HSPA14: variants seen among roughly 807,000 people sequenced by gnomAD.
HSPA14 encodes heat shock 70 kDa protein 14.
A neutral mutation model predicts 65.5 loss-of-function variants in HSPA14; 37 were observed. The ratio of observed to expected loss-of-function variants is 0.56; its 90% CI spans 0.43 to 0.74. The LOEUF is 0.74. HSPA14 is among the 30% of genes least tolerant of loss of function. The pLI, the probability that HSPA14 is intolerant of heterozygous loss-of-function variation, is 0.00. For synonymous variants in HSPA14, 203 were observed against 214.2 expected (o/e 0.95, Z 0.46); for missense variants, 564 against 607.6 (o/e 0.93, Z 0.75).
intron 6 of HSPA14, 53 bp downstream of exon 6, chr10:14,849,864 CTA>C (rs1343893332): frequency 9.4e-7 from 1 of 1,058,966 alleles, no homozygotes; most frequent in South Asian, 1.3e-5. Context: ...TACAAAGTCA[CTA>C]TATAGTAAAA....
At chr10:14,866,323 G>A (rs1334183731) in intron 10 of HSPA14, among the ~76,000 whole-genome samples, 7 of 152,248 alleles carry the variant, frequency 4.6e-5, no homozygotes, top group African/African-American at 2.4e-5. Context: ...CATACTGAAC[G>A]TGAAAGAGGC....
In HSPA14 at chr10:14,843,530, C is replaced by T. The variant is rs758760241; in HGVS notation, c.221+3373C>T. The T allele has an allele frequency of 2.3e-5, 35 of 1,550,590 alleles. No individual in the cohort carries two copies. The East Asian group carries it at 2.4e-4, about 11-fold the overall frequency. On this transcript the variant is annotated intron_variant, in intron 3 of 13. Coordinates refer to ENST00000378372, the MANE Select transcript of HSPA14 (RefSeq NM_016299.4). ...AGCACTCCTGGGGTAGCCTCCACAC[C>T]GCAGACTCCAGTCTCCTCTTCGAGA... is the stretch of plus-strand genomic sequence containing the variant.
At position 14,867,686 on chromosome 10, in the gene HSPA14, A is replaced by G. The variant is rs75491293; in HGVS notation, c.1207-50A>G. On this transcript the variant is annotated intron_variant, in intron 11 of 13. Transcript: ENST00000378372. ...CATTTATAATGGGAAGTTTTTTTCA[A>G]TTGTAAAGATAAATACCAAAGAGTA... The G allele has an allele frequency of 1.2e-3, 1,814 of 1,525,442 alleles. 17 individuals carry two copies. In the African/African-American group the frequency reaches 0.022, roughly 18 times the overall value. 94.5% of individuals were successfully genotyped at this position (1,525,442 alleles called of 1,614,324 possible).
chr10:14,871,002 GGTAA>G (rs1216940852), intron 13 of HSPA14, among the ~76,000 whole-genome samples: 3 of 151,972 alleles, frequency 2.0e-5, no homozygotes, highest in Non-Finnish European at 4.4e-5. Flanking sequence ...CCTATGAAAG[GGTAA>G]GTTTCTTTAT....
chr10:14,846,566 A>G (rs1834057147), intron 3 of HSPA14: 1 of 984,342 alleles, frequency 1.0e-6, no homozygotes, highest in East Asian at 1.1e-4. Context: ...GGTAGACCCA[A>G]CCATTACTAC....
intron 3 of HSPA14, chr10:14,843,525 C>T: frequency 2.6e-6 from 4 of 1,550,704 alleles, no homozygotes; most frequent in Non-Finnish European, 3.5e-6. Flanking sequence ...GGGTAGCCTC[C>T]ACACCGCAGA....
intron 10 of HSPA14, 71 bp downstream of exon 10, chr10:14,856,014 G>C (rs989382036): frequency 1.1e-5 from 9 of 805,740 alleles, no homozygotes; most frequent in African/African-American, 5.2e-5. Flanking sequence ...AATAGCTCTG[G>C]GTACTGAAAG....
chr10:14,849,104 A>G (rs186112834), intron 5 of HSPA14, among the ~76,000 whole-genome samples: 216 of 152,342 alleles, frequency 1.4e-3, no homozygotes, highest in African/African-American at 4.4e-3. Flanking sequence ...TGATTTCCCT[A>G]TAAGTCATAT....
chr10:14,871,510 A>AT lies in HSPA14; in HGVS notation c.1452-11dup, dbSNP rs1277171467. On this transcript the variant is annotated splice_polypyrimidine_tract_variant and intron_variant, in intron 13 of 13. Transcript: ENST00000378372. ...AAAATGAGCTTGTGCAATGTTCTTT[A>AT]TTTTTTTGTCTGTTTAGGGATGGAT... 9 of 1,486,600 alleles carry AT rather than the reference A, an allele frequency of 6.1e-6. No individual in the cohort carries two copies. Among genetic ancestry groups the AT allele is most frequent in the Admixed American group, 3.8e-5 (2 of 52,582 alleles). 92.1% of individuals were successfully genotyped at this position (1,486,600 alleles called of 1,614,324 possible).
chr10:14,865,681 G>A (rs184172616), intron 10 of HSPA14, among the ~76,000 whole-genome samples: 7 of 152,204 alleles, frequency 4.6e-5, no homozygotes, highest in Admixed American at 4.6e-4. Context: ...CCATTGGTCT[G>A]TATATCTGTT....
At chr10:14,856,026 A>G in intron 10 of HSPA14, 83 bp downstream of exon 10, 1 of 756,274 alleles carries the variant, frequency 1.3e-6, no homozygotes, top group Non-Finnish European at 2.3e-6. Context: ...TACTGAAAGA[A>G]TATTTTAATG....
Position 14,848,842 on chromosome 10 carries a change from C to A in HSPA14, c.323C>A (p.Thr108Lys). The change falls in exon 5 of 14, where the codon ACA becomes AAA. Residue 108 changes from threonine to lysine, a missense_variant. Transcript: ENST00000378372. The stretch of plus-strand genomic sequence containing the variant: ...TATGAAATAGATACTGGAGAAGAAA[C>A]AAAATTTGTTAACCCAGAAGATGTT... ...LRYEIDTGEE[T>K]KFVNPEDVAR... The A allele has an allele frequency of 1.3e-6, 2 of 1,594,198 alleles. No individual in the cohort carries two copies. The highest frequency in any genetic ancestry group is 4.5e-5 in the East Asian group (2 of 44,530).
chr10:14,864,810 C>T (rs1588819898), intron 10 of HSPA14, among the ~76,000 whole-genome samples: 2 of 152,176 alleles, frequency 1.3e-5, no homozygotes, highest in Non-Finnish European at 2.9e-5. Context: ...TTTATGGCAG[C>T]ATGACTTATA....
chr10:14,862,191 C>A (rs1447019010), intron 10 of HSPA14, among the ~76,000 whole-genome samples: 1 of 150,268 alleles, frequency 6.7e-6, no homozygotes, highest in Middle Eastern at 3.3e-3. Flanking sequence ...CCACACCCGG[C>A]TAATTTTTTT....
At chr10:14,857,222 T>TA (rs1429858908) in intron 10 of HSPA14, among the ~76,000 whole-genome samples, 1 of 152,244 alleles carries the variant, frequency 6.6e-6, no homozygotes, top group Non-Finnish European at 1.5e-5. Flanking sequence ...TCCTCCCCTG[T>TA]AAGAGAATGA....
Position 14,842,524 on chromosome 10 carries a change from T to A in HSPA14, c.221+2367T>A, listed in dbSNP as rs1434889164. The stretch of plus-strand genomic sequence containing the variant: ...TATATTTAAAGGCCTATGTTGCCCA[T>A]GCCACAAGTATGGGTGAGCCACCAC... On this transcript the variant is annotated intron_variant, in intron 3 of 13. Coordinates refer to ENST00000378372, the MANE Select transcript of HSPA14 (RefSeq NM_016299.4). This position sits in a 1 kb window ranked among gnomAD's most constrained non-coding sequence, Gnocchi z 5.2. 2 of 1,536,046 alleles carry A rather than the reference T, an allele frequency of 1.3e-6. No individual in the cohort carries two copies. The highest frequency in any genetic ancestry group is 2.7e-5 in the African/African-American group (2 of 73,050).
chr10:14,842,162 C>T lies in HSPA14; in HGVS notation c.221+2005C>T. On this transcript the variant is annotated intron_variant, in intron 3 of 13. Transcript: ENST00000378372. The surrounding 1 kb of genome is among the most constrained non-coding windows in gnomAD (Gnocchi z 5.2). ...GAAATGCGGTCCTTGGACCTGGCTT[C>T]TCAGCAATTATCCCTGAGAGGGAAG... is the stretch of plus-strand genomic sequence containing the variant. The T allele has an allele frequency of 6.5e-7, 1 of 1,534,888 alleles. No individual in the cohort carries two copies. The highest frequency in any genetic ancestry group is 8.7e-7 in the Non-Finnish European group (1 of 1,146,782).
chr10:14,871,352 A>T lies in HSPA14; in HGVS notation c.1452-176A>T, dbSNP rs1415852036. Among the ~76,000 whole-genome samples, 3 of 152,352 alleles carry T rather than the reference A, an allele frequency of 2.0e-5. No individual in the cohort carries two copies. The South Asian group carries it at 6.2e-4, about 32-fold the overall frequency. On this transcript the variant is annotated intron_variant, in intron 13 of 13. Transcript: ENST00000378372. ...AATAACAACTAGCTAAATATAACAT[A>T]TGACACTTACTAAATTTAGAGACAC...
In HSPA14 at chr10:14,853,826, T is replaced by G. The variant is rs190200199; in HGVS notation, c.735-299T>G. ...TCTCCACCTCCCAGGTTCAAGCGAT[T>G]CTTCTGCCTCAGCCTCCCAAGTAGC... On this transcript the variant is annotated intron_variant, in intron 8 of 13. Coordinates refer to ENST00000378372, the MANE Select transcript of HSPA14 (RefSeq NM_016299.4). 5.3e-3 allele frequency among the ~76,000 whole-genome samples: 800 copies of G among 152,250 alleles called. 2 individuals carry two copies. Among genetic ancestry groups the G allele is most frequent in the Middle Eastern group, 0.027 (8 of 294 alleles).
Sources: allele counts gnomAD v4.1 joint callset (sites outside exome capture counted in the v4.1 genomes callset), GRCh38; gene constraint gnomAD v4.1.1; non-coding constraint Gnocchi (gnomAD v3.1); transcripts MANE v1.5; gene names NCBI Gene and HGNC (gene_info 2026-07-23, HGNC 2026-07-21).